MYRIP: variants seen among roughly 807,000 people sequenced by gnomAD.
MYRIP encodes rab effector MyRIP.
MYRIP carries 49 observed loss-of-function variants against 98.0 expected under a neutral mutation model. The observed-to-expected ratio is 0.50, with a 90% CI of 0.40 to 0.63. MYRIP has a LOEUF of 0.63. Ranked by LOEUF, MYRIP falls within the 30% of genes least tolerant of loss-of-function variation. The pLI is 0.00. For synonymous variants in MYRIP, 404 were observed against 409.5 expected (o/e 0.99, Z 0.16); for missense variants, 1,004 against 1,058.2 (o/e 0.95, Z 0.71).
At chr3:40,246,231 G>T (rs757091343) in intron 13 of MYRIP, among the ~76,000 whole-genome samples, 4 of 152,026 alleles carry the variant, frequency 2.6e-5, no homozygotes, top group Admixed American at 1.3e-4. Flanking sequence ...AGAAACCACA[G>T]TAGGATCTGT....
At chr3:39,885,613 C>T (rs1943275399) in intron 1 of MYRIP, among the ~76,000 whole-genome samples, 1 of 144,378 alleles carries the variant, frequency 6.9e-6, no homozygotes, top group Non-Finnish European at 1.5e-5. Context: ...GTTCCATTCT[C>T]CCCGTCGCTT....
intron 7 of MYRIP, 111 bp downstream of exon 7, chr3:40,167,350 T>A: frequency 9.3e-6 from 9 of 964,364 alleles, no homozygotes; most frequent in African/African-American, 1.6e-5. Flanking sequence ...CTGTATCTTC[T>A]GTGCCTTCTC....
intron 4 of MYRIP, among the ~76,000 whole-genome samples, chr3:40,152,826 A>AT (rs1950148019): frequency 6.6e-6 from 1 of 151,984 alleles, no homozygotes; most frequent in Admixed American, 6.6e-5. Flanking sequence ...CCTTAAAAGC[A>AT]TTTTGTGGGG....
intron 3 of MYRIP, among the ~76,000 whole-genome samples, chr3:40,136,266 A>T (rs1347356344): frequency 6.6e-6 from 1 of 152,230 alleles, no homozygotes; most frequent in East Asian, 1.9e-4. Flanking sequence ...TTAAACCGAC[A>T]AAGATCAAAA....
At chr3:39,936,578 G>A (rs1299411266) in intron 2 of MYRIP, among the ~76,000 whole-genome samples, 1 of 152,208 alleles carries the variant, frequency 6.6e-6, no homozygotes. Context: ...CTTGGCCTGT[G>A]CTGAGTTGCA....
intron 3 of MYRIP, among the ~76,000 whole-genome samples, chr3:40,089,970 T>TA (rs1206322915): frequency 1.3e-5 from 2 of 151,878 alleles, no homozygotes; most frequent in African/African-American, 4.8e-5. Flanking sequence ...ACTAATAATA[T>TA]AAAAGTGCTT....
chr3:39,855,434 G>T (rs992876028), intron 1 of MYRIP, among the ~76,000 whole-genome samples: 1 of 152,140 alleles, frequency 6.6e-6, no homozygotes, highest in Non-Finnish European at 1.5e-5. Context: ...ACCAGAGCAG[G>T]TAGGGAAATA....
intron 1 of MYRIP, among the ~76,000 whole-genome samples, chr3:39,866,024 C>T (rs1015679122): frequency 6.6e-6 from 1 of 152,048 alleles, no homozygotes; most frequent in South Asian, 2.1e-4. Context: ...TCCTTTGTAG[C>T]AACATCAGTG....
intron 11 of MYRIP, among the ~76,000 whole-genome samples, chr3:40,216,407 T>G (rs552792377): frequency 6.6e-6 from 1 of 152,272 alleles, no homozygotes; most frequent in South Asian, 2.1e-4. Context: ...ATAAGCAAGA[T>G]TGTGCTCTTG....
At chr3:39,868,815 A>T (rs1942699120) in intron 1 of MYRIP, among the ~76,000 whole-genome samples, 1 of 152,158 alleles carries the variant, frequency 6.6e-6, no homozygotes, top group Non-Finnish European at 1.5e-5. Context: ...GTCTTTTTGG[A>T]TATAAAATTA....
intron 9 of MYRIP, among the ~76,000 whole-genome samples, chr3:40,188,972 T>G (rs1458242954): frequency 1.3e-5 from 2 of 152,212 alleles, no homozygotes; most frequent in Non-Finnish European, 2.9e-5. Context: ...AGATCAATCC[T>G]TGGGACCATG....
chr3:40,188,725 C>T lies in MYRIP; in HGVS notation c.1028-1101C>T, dbSNP rs558664608. On this transcript the variant is annotated intron_variant, in intron 9 of 16. Coordinates refer to ENST00000302541, the MANE Select transcript of MYRIP (RefSeq NM_015460.4). ...CTGGGAGGTGAAGGTTGCAGTGAGTCGAGATCGTGCCATTGCACTGCAGCC... is the reference window on the plus strand; with the variant it reads ...CTGGGAGGTGAAGGTTGCAGTGAGTTGAGATCGTGCCATTGCACTGCAGCC... 1.8e-3 allele frequency among the ~76,000 whole-genome samples: 268 copies of T among 152,016 alleles called. 2 individuals are homozygous for T. Among genetic ancestry groups the T allele is most frequent in the African/African-American group, 6.1e-3 (252 of 41,502 alleles).
chr3:40,062,106 C>G (rs1028479422), intron 3 of MYRIP, among the ~76,000 whole-genome samples: 6 of 152,128 alleles, frequency 3.9e-5, no homozygotes, highest in Non-Finnish European at 8.8e-5. Context: ...TGAATTAGAT[C>G]CCATTTGTCA....
intron 1 of MYRIP, among the ~76,000 whole-genome samples, chr3:39,823,460 A>C (rs960267401): frequency 1.3e-5 from 2 of 151,558 alleles, no homozygotes; most frequent in African/African-American, 4.9e-5. Context: ...CCTATTTTAC[A>C]CTCCCACCAA....
chr3:40,183,132 G>A (rs922045678), intron 9 of MYRIP, among the ~76,000 whole-genome samples: 7 of 152,148 alleles, frequency 4.6e-5, no homozygotes, highest in East Asian at 1.9e-4. Context: ...ATCTCAGCAC[G>A]GAGAGCTCAC....
At chr3:40,103,054 C>T (rs1948978147) in intron 3 of MYRIP, among the ~76,000 whole-genome samples, 1 of 151,822 alleles carries the variant, frequency 6.6e-6, no homozygotes, top group South Asian at 2.1e-4. Flanking sequence ...CAGACACCTG[C>T]AGTATATCAC....
intron 2 of MYRIP, among the ~76,000 whole-genome samples, chr3:39,975,404 A>G (rs1215696691): frequency 3.3e-5 from 5 of 152,000 alleles, no homozygotes; most frequent in African/African-American, 1.2e-4. Flanking sequence ...AAGAGGATAC[A>G]AACAAATGGA....
At chr3:40,188,071 A>G (rs1951084798) in intron 9 of MYRIP, among the ~76,000 whole-genome samples, 1 of 152,178 alleles carries the variant, frequency 6.6e-6, no homozygotes, top group Non-Finnish European at 1.5e-5. Flanking sequence ...CCTGACTCTC[A>G]AAATAAAAAT....
intron 4 of MYRIP, among the ~76,000 whole-genome samples, chr3:40,158,355 G>A (rs1190210308): frequency 5.9e-5 from 9 of 152,336 alleles, no homozygotes; most frequent in African/African-American, 2.2e-4. Context: ...GCTGTGGTCT[G>A]AGAGACTGTT....
Sources: allele counts gnomAD v4.1 joint callset (sites outside exome capture counted in the v4.1 genomes callset), GRCh38; gene constraint gnomAD v4.1.1; transcripts MANE v1.5; gene names NCBI Gene and HGNC (gene_info 2026-07-23, HGNC 2026-07-21).